The following BICDL1 variants were observed in gnomAD, a reference collection of about 807,000 sequenced individuals.
BICDL1 encodes the protein BICD family-like cargo adapter 1.
BICDL1 carries 20 observed loss-of-function variants against 76.8 expected under a neutral mutation model. The observed-to-expected ratio is 0.26, with a 90% CI of 0.18 to 0.38. The LOEUF is 0.38. Among genes scored for constraint, BICDL1 ranks in the 10% least tolerant of loss-of-function variants. The pLI is 1.00. For missense variants in BICDL1, 700 were observed against 798.6 expected (o/e 0.88, Z 1.49); for synonymous variants, 383 against 337.1 (o/e 1.14, Z -1.49).
chr12:120,002,877 C>T (rs1042370466), intron 2 of BICDL1, among the ~76,000 whole-genome samples: 9 of 152,058 alleles, frequency 5.9e-5, no homozygotes, highest in Non-Finnish European at 1.2e-4. Context: ...GGTAGGGGGC[C>T]GGGTCATGGT....
chr12:120,044,381 T>C (rs1010082164), intron 2 of BICDL1, among the ~76,000 whole-genome samples: 8 of 152,184 alleles, frequency 5.3e-5, no homozygotes, highest in African/African-American at 9.7e-5. Context: ...GTGACTGCTC[T>C]TTCCTGAGAG....
intron 2 of BICDL1, among the ~76,000 whole-genome samples, chr12:120,047,669 G>T (rs567654349): frequency 2.6e-5 from 4 of 152,146 alleles, no homozygotes; most frequent in Non-Finnish European, 5.9e-5. Context: ...TAACTTGAAA[G>T]GTAGTTTTTT....
chr12:120,008,328 T>C (rs888156836), intron 2 of BICDL1, among the ~76,000 whole-genome samples: 1 of 152,098 alleles, frequency 6.6e-6, no homozygotes, highest in Middle Eastern at 3.4e-3. Flanking sequence ...TTGGCTAATT[T>C]TTTATACTTT....
intron 2 of BICDL1, among the ~76,000 whole-genome samples, chr12:120,004,891 A>G (rs1951822666): frequency 6.6e-6 from 1 of 152,130 alleles, no homozygotes; most frequent in Admixed American, 6.6e-5. Context: ...GCACGATCTC[A>G]GCTCACTGCA....
chr12:120,010,956 A>T (rs1442984817), intron 2 of BICDL1, among the ~76,000 whole-genome samples: 1 of 152,226 alleles, frequency 6.6e-6, no homozygotes, highest in Non-Finnish European at 1.5e-5. Flanking sequence ...GGTGGTATTC[A>T]TTATTTGTAG....
intron 7 of BICDL1, 27 bp from the exon 8 acceptor site, chr12:120,080,860 G>A (rs746901149): frequency 1.2e-6 from 2 of 1,609,896 alleles, no homozygotes; most frequent in African/African-American, 2.7e-5. Context: ...GACAGCAGCA[G>A]TGATACCATA....
chr12:120,056,918 C>G, intron 2 of BICDL1: 1 of 329,454 alleles, frequency 3.0e-6, no homozygotes, highest in Non-Finnish European at 5.9e-6. Context: ...GACCGCCTGC[C>G]CTTGATGCAG....
chr12:120,001,864 A>G (rs896073071), intron 2 of BICDL1, among the ~76,000 whole-genome samples: 1 of 152,124 alleles, frequency 6.6e-6, no homozygotes. Context: ...AGCCTGAACT[A>G]TACAGTAAGA....
chr12:120,092,707 A>G, intron 9 of BICDL1: 29 of 985,418 alleles, frequency 2.9e-5, no homozygotes, highest in Non-Finnish European at 3.5e-5. Flanking sequence ...TGGAGACTGC[A>G]GGGAGAGACC....
intron 2 of BICDL1, among the ~76,000 whole-genome samples, chr12:120,009,243 C>T (rs149068337): frequency 2.6e-5 from 4 of 152,150 alleles, no homozygotes; most frequent in Admixed American, 2.6e-4. Context: ...GCCTCGGCCT[C>T]CCAAAGTGCT....
chr12:120,014,689 CA>C (rs1037186627), intron 2 of BICDL1, among the ~76,000 whole-genome samples: 291 of 126,068 alleles, frequency 2.3e-3, no homozygotes, highest in Admixed American at 2.7e-3. Flanking sequence ...GACTCCATCT[CA>C]AAAAAAAAAA....
intron 4 of BICDL1, among the ~76,000 whole-genome samples, chr12:120,070,732 TC>T (rs1873025675): frequency 1.3e-5 from 2 of 149,192 alleles, no homozygotes; most frequent in African/African-American, 5.0e-5. Context: ...TTGGTATAAC[TC>T]TTTTTTTTTT....
At chr12:119,997,763 T>C (rs78358870) in intron 1 of BICDL1, among the ~76,000 whole-genome samples, 260 of 151,982 alleles carry the variant, frequency 1.7e-3, no homozygotes, top group African/African-American at 6.0e-3. Context: ...TCTGTGATAG[T>C]AAGAATCTGG....
Position 120,040,395 on chromosome 12 carries a change from TTTTTCTTTTCTTTC to T in BICDL1, c.646-21301_646-21288del, listed in dbSNP as rs1225273367. Reference sequence around the variant, plus strand: ...GCGTGAGCCACCGAGCCCAGCCTTCTTTTTCTTTTCTTTCTTTTCTTTTCTTTTTGTTTTTTTGT... The same window carrying T: ...GCGTGAGCCACCGAGCCCAGCCTTCTTTTTCTTTTCTTTTTGTTTTTTTGT... On this transcript the variant is annotated intron_variant, in intron 2 of 9. Coordinates refer to ENST00000548673, the MANE Select transcript of BICDL1 (RefSeq NM_001367886.1). 5.9e-5 allele frequency among the ~76,000 whole-genome samples: 9 copies of T among 151,844 alleles called. No homozygotes were observed. The South Asian group carries it at 1.9e-3, about 32-fold the overall frequency.
rs115310986 is a variant in BICDL1 at position 120,005,362 on chromosome 12, T to G, written c.645+6626T>G. Among the ~76,000 whole-genome samples, 1,214 of 152,252 alleles carry G rather than the reference T, an allele frequency of 8.0e-3. 17 individuals are homozygous for G. The highest frequency in any genetic ancestry group is 0.027 in the African/African-American group (1,108 of 41,536). ...GTTGTACATAACTTTTCTACTTATT[T>G]TGCTTTGTTTTTGTTTGTTTTTGAG... On this transcript the variant is annotated intron_variant, in intron 2 of 9. Transcript: ENST00000548673.
intron 3 of BICDL1, among the ~76,000 whole-genome samples, chr12:120,063,510 G>A (rs1953151710): frequency 6.9e-6 from 1 of 145,190 alleles, no homozygotes; most frequent in South Asian, 2.2e-4. Flanking sequence ...AAAAAGTAAA[G>A]GGAAAAGTGT....
intron 2 of BICDL1, among the ~76,000 whole-genome samples, chr12:120,024,649 T>C (rs1317121150): frequency 6.6e-6 from 1 of 152,130 alleles, no homozygotes; most frequent in African/African-American, 2.4e-5. Flanking sequence ...CCCTTCAGTA[T>C]GTACTCTCAA....
chr12:119,995,700 T>G (rs1692350773), intron 1 of BICDL1, among the ~76,000 whole-genome samples: 1 of 152,180 alleles, frequency 6.6e-6, no homozygotes. Context: ...ACTAAAACAT[T>G]CTCTGGCCGG....
chr12:120,022,596 G>C (rs995713395), intron 2 of BICDL1, among the ~76,000 whole-genome samples: 10 of 151,842 alleles, frequency 6.6e-5, no homozygotes, highest in Non-Finnish European at 7.4e-5. Context: ...GGGGACTTCT[G>C]CTTCCAGTGA....
Sources: allele counts gnomAD v4.1 joint callset (sites outside exome capture counted in the v4.1 genomes callset), GRCh38; gene constraint gnomAD v4.1.1; transcripts MANE v1.5; gene names NCBI Gene and HGNC (gene_info 2026-07-23, HGNC 2026-07-21).